Variants in MAP3K7CL observed in about 807,000 individuals in gnomAD.
The protein encoded by MAP3K7CL is MAP3K7 C-terminal like.
A neutral mutation model predicts 18.6 loss-of-function variants in MAP3K7CL; 16 were observed. That is an observed-to-expected ratio of 0.86 (90% CI 0.58 to 1.31). The LOEUF (loss-of-function observed/expected upper bound fraction) is 1.31. MAP3K7CL is among the 50% of genes most tolerant of loss of function. The probability of loss-of-function intolerance (pLI) is 0.00; values close to 1 mark genes in which losing one functional copy is unlikely to be tolerated. For synonymous variants in MAP3K7CL, 65 were observed against 66.8 expected (o/e 0.97, Z 0.13); for missense variants, 163 against 174.4 (o/e 0.93, Z 0.37).
chr21:29,171,541 C>T (rs756114816), intron 4 of MAP3K7CL, among the ~76,000 whole-genome samples: 5 of 152,152 alleles, frequency 3.3e-5, no homozygotes, highest in African/African-American at 4.8e-5. Flanking sequence ...CCCAACCGGG[C>T]GTGGTGGTTC....
chr21:29,141,690 A>G (rs2087012633), intron 2 of MAP3K7CL, among the ~76,000 whole-genome samples: 1 of 152,110 alleles, frequency 6.6e-6, no homozygotes, highest in Non-Finnish European at 1.5e-5. Context: ...TGTCATCCCA[A>G]ATCTCTATCT....
At chr21:29,156,686 A>G (rs370127504) in intron 3 of MAP3K7CL, among the ~76,000 whole-genome samples, 8 of 152,198 alleles carry the variant, frequency 5.3e-5, no homozygotes, top group East Asian at 3.9e-4. Flanking sequence ...TCCATCCTAC[A>G]TGGAACAACA....
intron 4 of MAP3K7CL, among the ~76,000 whole-genome samples, chr21:29,116,871 G>A (rs1326834540): frequency 2.6e-5 from 4 of 152,102 alleles, no homozygotes; most frequent in Non-Finnish European, 4.4e-5. Flanking sequence ...TTCATGTTCA[G>A]GAATGATTTC....
intron 1 of MAP3K7CL, among the ~76,000 whole-genome samples, chr21:29,132,701 G>A (rs970238506): frequency 1.3e-5 from 2 of 151,810 alleles, no homozygotes; most frequent in Admixed American, 6.6e-5. Flanking sequence ...ATAGAGATGG[G>A]GTTTTCTCAT....
intron 4 of MAP3K7CL, among the ~76,000 whole-genome samples, chr21:29,120,244 G>A (rs563050505): frequency 6.6e-6 from 1 of 150,566 alleles, no homozygotes; most frequent in South Asian, 2.1e-4. Flanking sequence ...TTGTATATTT[G>A]TGTATTTGTA....
At chr21:29,081,394 T>G (rs1252907208), upstream of MAP3K7CL, among the ~76,000 whole-genome samples, 1 of 151,980 alleles carries the variant, frequency 6.6e-6, no homozygotes, top group African/African-American at 2.4e-5. Flanking sequence ...CTAAAAAAAA[T>G]ACAAAAAAAT....
At chr21:29,096,178 A>G (rs771808099) in intron 4 of MAP3K7CL, among the ~76,000 whole-genome samples, 59 of 152,316 alleles carry the variant, frequency 3.9e-4, no homozygotes, top group Non-Finnish European at 6.9e-4. Flanking sequence ...AGGGTTGAAA[A>G]TGTACACTAA....
intron 4 of MAP3K7CL, among the ~76,000 whole-genome samples, chr21:29,124,661 C>T (rs2086654471): frequency 6.6e-6 from 1 of 152,014 alleles, no homozygotes; most frequent in Non-Finnish European, 1.5e-5. Context: ...TTTGGTATGA[C>T]CCAGGAGCTA....
chr21:29,097,854 TG>T (rs1286312593), intron 4 of MAP3K7CL, among the ~76,000 whole-genome samples: 1 of 152,150 alleles, frequency 6.6e-6, no homozygotes, highest in Admixed American at 6.5e-5. Flanking sequence ...TAACATAAAC[TG>T]GTTGAACAGT....
intron 2 of MAP3K7CL, among the ~76,000 whole-genome samples, chr21:29,143,258 C>G (rs2087048364): frequency 6.6e-6 from 1 of 152,086 alleles, no homozygotes; most frequent in Non-Finnish European, 1.5e-5. Context: ...AGGTCCAATG[C>G]CCATGAAGCC....
At chr21:29,120,656 T>TTTTC (rs1019356233) in intron 4 of MAP3K7CL, among the ~76,000 whole-genome samples, 4 of 136,260 alleles carry the variant, frequency 2.9e-5, no homozygotes, top group African/African-American at 1.1e-4. Flanking sequence ...TTTGAGTCTC[T>TTTTC]TTTCTTTCTT....
chr21:29,126,187 T>C (rs1014224210), upstream of MAP3K7CL, among the ~76,000 whole-genome samples: 6 of 152,216 alleles, frequency 3.9e-5, no homozygotes, highest in African/African-American at 1.4e-4. Flanking sequence ...TCAGTCAGGA[T>C]AAGGCCGTCC....
At chr21:29,114,715 A>T (rs529253310) in intron 4 of MAP3K7CL, among the ~76,000 whole-genome samples, 9 of 152,334 alleles carry the variant, frequency 5.9e-5, no homozygotes, top group Non-Finnish European at 1.3e-4. Context: ...TCAAAAGCAG[A>T]GTATAGATGG....
intron 2 of MAP3K7CL, among the ~76,000 whole-genome samples, chr21:29,137,534 G>C (rs1376461855): frequency 1.3e-5 from 2 of 151,944 alleles, no homozygotes; most frequent in Non-Finnish European, 2.9e-5. Context: ...CTGGGTACTA[G>C]ATACAAAAAA....
At chr21:29,136,403 G>A (rs1351924969) in intron 2 of MAP3K7CL, among the ~76,000 whole-genome samples, 1 of 152,216 alleles carries the variant, frequency 6.6e-6, no homozygotes, top group Non-Finnish European at 1.5e-5. Flanking sequence ...GGGCACTAAT[G>A]TGGACTTTTT....
At chr21:29,108,992 C>T (rs1049746186) in intron 4 of MAP3K7CL, 23 of 1,453,374 alleles carry the variant, frequency 1.6e-5, no homozygotes, top group Middle Eastern at 3.5e-4. Context: ...TCAATGTCGG[C>T]TGGACCCAAA....
intron 4 of MAP3K7CL, among the ~76,000 whole-genome samples, chr21:29,165,745 T>C (rs1272896346): frequency 6.6e-6 from 1 of 152,122 alleles, no homozygotes; most frequent in African/African-American, 2.4e-5. Flanking sequence ...CTAATTGTTA[T>C]ATTTTTAGTA....
intron 1 of MAP3K7CL, among the ~76,000 whole-genome samples, chr21:29,088,733 T>A (rs192689261): frequency 4.1e-4 from 62 of 152,110 alleles, no homozygotes; most frequent in African/African-American, 1.4e-3. Flanking sequence ...TGCATGTGTG[T>A]GTGTTGAAGA....
At chr21:29,135,789 T>G (rs2146638213) in intron 2 of MAP3K7CL, among the ~76,000 whole-genome samples, 1 of 152,270 alleles carries the variant, frequency 6.6e-6, no homozygotes, top group East Asian at 1.9e-4. Context: ...AAATCCATGG[T>G]TTTTAATAGG....
Sources: gnomAD v4.1 joint callset for allele counts (sites outside exome capture counted in the v4.1 genomes callset) on GRCh38, gnomAD v4.1.1 for gene constraint, MANE v1.5 for transcripts, NCBI Gene and HGNC (gene_info 2026-07-23, HGNC 2026-07-21) for gene names.